The following IBTK variants were observed in gnomAD, a reference collection of about 807,000 sequenced individuals.
IBTK encodes the protein BTK-binding protein.
In IBTK, 83 loss-of-function variants were observed where a neutral mutation model predicts 154.9. The observed-to-expected ratio is 0.54, with a 90% CI of 0.45 to 0.64. IBTK has a LOEUF of 0.64. Among genes scored for constraint, IBTK ranks in the 30% least tolerant of loss-of-function variants. The probability of loss-of-function intolerance (pLI) is 0.00; values close to 1 mark genes in which losing one functional copy is unlikely to be tolerated. For missense variants in IBTK, 1,332 were observed against 1,584.6 expected (o/e 0.84, Z 2.71); for synonymous variants, 515 against 536.1 (o/e 0.96, Z 0.54).
chr6:82,233,647 G>T (rs1455868032), intron 3 of IBTK, among the ~76,000 whole-genome samples: 1 of 147,310 alleles, frequency 6.8e-6, no homozygotes, highest in Non-Finnish European at 1.5e-5. Flanking sequence ...ACTACTTTAA[G>T]AAGAATAAAA....
chr6:82,207,772 T>G (rs1352466629), intron 16 of IBTK, among the ~76,000 whole-genome samples: 2 of 152,146 alleles, frequency 1.3e-5, no homozygotes, highest in East Asian at 3.8e-4. Flanking sequence ...GAAATAAAAC[T>G]TTAAATTTAT....
intron 9 of IBTK, among the ~76,000 whole-genome samples, chr6:82,219,800 G>C (rs1582234338): frequency 6.6e-6 from 1 of 151,812 alleles, no homozygotes; most frequent in South Asian, 2.1e-4. Context: ...TATATAATGT[G>C]GATAGTTATA....
At chr6:82,177,550 T>A (rs1482297241) in intron 26 of IBTK, among the ~76,000 whole-genome samples, 1 of 152,086 alleles carries the variant, frequency 6.6e-6, no homozygotes, top group Non-Finnish European at 1.5e-5. Context: ...GTAGCTGGGA[T>A]TACAGGCATG....
At position 82,214,669 on chromosome 6, in the gene IBTK, A is replaced by T; in HGVS notation, c.1762T>A (p.Phe588Ile). 6 of 1,614,076 alleles carry T rather than the reference A, an allele frequency of 3.7e-6. No homozygotes were observed. Among genetic ancestry groups the T allele is most frequent in the Non-Finnish European group, 5.1e-6 (6 of 1,179,958 alleles). ...TCTGAAAGAAACAATTTCTGAAAAAAATCAGAATGCACTGCCAAAATATAT... is the reference window on the plus strand; with the variant it reads ...TCTGAAAGAAACAATTTCTGAAAAATATCAGAATGCACTGCCAAAATATAT... ...HKYILAVHSD[F>I]FQKLFLSDGN... The change falls in exon 12 of 29, where the codon TTT (phenylalanine) becomes ATT (isoleucine). Residue 588 changes from phenylalanine (F) to isoleucine (I), a missense_variant. Transcript: ENST00000306270.
At chr6:82,204,630 A>C (rs1021038007) in intron 17 of IBTK, among the ~76,000 whole-genome samples, 1 of 152,170 alleles carries the variant, frequency 6.6e-6, no homozygotes, top group Non-Finnish European at 1.5e-5. Context: ...ATGACATTTC[A>C]ATACAAATAT....
chr6:82,239,142 C>T (rs1037325841), intron 2 of IBTK, among the ~76,000 whole-genome samples: 1 of 151,934 alleles, frequency 6.6e-6, no homozygotes, highest in Non-Finnish European at 1.5e-5. Context: ...AACTACTGCC[C>T]TTTTAAAGTT....
At chr6:82,230,361 C>T (rs1365249676) in intron 4 of IBTK, among the ~76,000 whole-genome samples, 1 of 152,154 alleles carries the variant, frequency 6.6e-6, no homozygotes, top group African/African-American at 2.4e-5. Context: ...AAAGTTCTTA[C>T]ATTCCAAGCC....
chr6:82,245,438 T>G (rs1314841592), intron 1 of IBTK, among the ~76,000 whole-genome samples: 3 of 151,966 alleles, frequency 2.0e-5, no homozygotes, highest in African/African-American at 4.8e-5. Context: ...ATCCCTGTAG[T>G]CCCAACTACT....
At chr6:82,224,277 T>C (rs1187597084) in intron 6 of IBTK, 92 bp from the exon 7 acceptor site, 5 of 875,802 alleles carry the variant, frequency 5.7e-6, no homozygotes, top group Middle Eastern at 2.2e-4. Context: ...ATATATGGTA[T>C]ACTTGCTGTT....
At position 82,200,727 on chromosome 6, in the gene IBTK, C is replaced by T. The variant is rs1450690908; in HGVS notation, c.2791-19G>A. On this transcript the variant is annotated intron_variant, in intron 19 of 28. Transcript: ENST00000306270. ...CTGGAATCTGCAGAATTGAAGATAT[C>T]ACTTTTCAAATACAAAATCTGTGAA... 1 of 933,534 alleles carries T rather than the reference C, an allele frequency of 1.1e-6. No individual in the cohort carries two copies. The highest frequency in any genetic ancestry group is 1.6e-6 in the Non-Finnish European group (1 of 633,792). 57.8% of individuals were successfully genotyped at this position (933,534 alleles called of 1,614,324 possible).
intron 16 of IBTK, chr6:82,205,172 T>G (rs1260959341): frequency 6.1e-6 from 2 of 329,648 alleles, no homozygotes; most frequent in Admixed American, 9.6e-5. Context: ...ATTTCTATTT[T>G]TTAGGTAGAA....
At chr6:82,182,478 G>T (rs781337581) in intron 25 of IBTK, among the ~76,000 whole-genome samples, 1 of 151,938 alleles carries the variant, frequency 6.6e-6, no homozygotes, top group East Asian at 1.9e-4. Flanking sequence ...ACAAAAAAGA[G>T]AAGTTGAAGA....
chr6:82,187,509 G>A (rs532923741), intron 25 of IBTK, among the ~76,000 whole-genome samples: 85 of 152,090 alleles, frequency 5.6e-4, no homozygotes, highest in Admixed American at 2.6e-3. Context: ...AAACCCACAA[G>A]GGCAAAAATA....
Position 82,201,491 on chromosome 6 carries a change from T to A in IBTK, c.2730-9A>T, listed in dbSNP as rs1250664470. 6.3e-7 allele frequency: 1 copy of A among 1,584,508 alleles called. No individual in the cohort carries two copies. The highest frequency in any genetic ancestry group is 1.4e-5 in the African/African-American group (1 of 73,934). Reference sequence around the variant, plus strand: ...TTAAAACATCAAGAGACCTAAAATATAGGATACAAAATTCTATCTTAAGAT... The same window carrying A: ...TTAAAACATCAAGAGACCTAAAATAAAGGATACAAAATTCTATCTTAAGAT... On this transcript the variant is annotated splice_polypyrimidine_tract_variant and intron_variant, in intron 18 of 28. Transcript: ENST00000306270.
Position 82,191,768 on chromosome 6 carries a change from T to G in IBTK, c.3431+19A>C. On this transcript the variant is annotated intron_variant, in intron 24 of 28. Transcript: ENST00000306270. ...AGAAATACAACATGAAATGATCTTTTGTAATGTTTTCAACCCACCCTAAAT... is the reference window on the plus strand; with the variant it reads ...AGAAATACAACATGAAATGATCTTTGGTAATGTTTTCAACCCACCCTAAAT... 1 of 1,385,116 alleles carries G rather than the reference T, an allele frequency of 7.2e-7. No homozygotes were observed. Among genetic ancestry groups the G allele is most frequent in the Non-Finnish European group, 1.0e-6 (1 of 971,272 alleles). 85.8% of individuals were successfully genotyped at this position (1,385,116 alleles called of 1,614,324 possible).
At position 82,202,659 on chromosome 6, in the gene IBTK, A is replaced by G; in HGVS notation, c.2612-14T>C. The G allele has an allele frequency of 7.0e-7, 1 of 1,433,876 alleles. No individual in the cohort carries two copies. Among genetic ancestry groups the G allele is most frequent in the South Asian group, 1.3e-5 (1 of 79,164 alleles). The allele number at this position is 1,433,876 out of a possible 1,614,324, so 88.8% of individuals were successfully genotyped here. A position where few individuals can be genotyped will look rare whatever the true frequency, so the allele number is the denominator to read the frequency against. Reference sequence around the variant, plus strand: ...TCTTCAGGGTAACTACAAAGAAAGAAAAGATTTGCAAAATTAGATAAAAGG... The same window carrying G: ...TCTTCAGGGTAACTACAAAGAAAGAGAAGATTTGCAAAATTAGATAAAAGG... On this transcript the variant is annotated splice_polypyrimidine_tract_variant and intron_variant, in intron 17 of 28. Transcript: ENST00000306270.
At chr6:82,223,801 A>T (rs1296629085) in intron 7 of IBTK, among the ~76,000 whole-genome samples, 181 bp from the exon 8 acceptor site, 1 of 152,128 alleles carries the variant, frequency 6.6e-6, no homozygotes, top group East Asian at 1.9e-4. Context: ...TCTACAAAAA[A>T]TAGCCCAGCA....
In IBTK at chr6:82,200,656, A is replaced by G. The variant is rs1769168438; in HGVS notation, c.2843T>C (p.Ile948Thr). The G allele has an allele frequency of 6.3e-7, 1 of 1,599,160 alleles. No individual in the cohort carries two copies. Among genetic ancestry groups the G allele is most frequent in the Non-Finnish European group, 8.5e-7 (1 of 1,173,700 alleles). ...VITPYQDGPD[I>T]SYLEVEDGDI... Reference sequence around the variant, plus strand: ...TCCATCTTCTACTTCCAAATAGCTAATATCTGGTCCATCTTGATATGGTGT... The same window carrying G: ...TCCATCTTCTACTTCCAAATAGCTAGTATCTGGTCCATCTTGATATGGTGT... The change falls in exon 20 of 29, where the codon ATT becomes ACT. Residue 948 changes from isoleucine to threonine, a missense_variant. Ile to Thr is a moderately conservative substitution (Grantham distance 89). Transcript: ENST00000306270.
At chr6:82,193,870 T>C (rs1453104297) in intron 23 of IBTK, among the ~76,000 whole-genome samples, 2 of 152,030 alleles carry the variant, frequency 1.3e-5, no homozygotes, top group East Asian at 3.9e-4. Flanking sequence ...TTAGTAGAGA[T>C]GGGGTTTCAC....
Sources: gnomAD v4.1 joint callset for allele counts (sites outside exome capture counted in the v4.1 genomes callset) on GRCh38, gnomAD v4.1.1 for gene constraint, MANE v1.5 for transcripts, NCBI Gene and HGNC (gene_info 2026-07-23, HGNC 2026-07-21) for gene names.